Variants in PSMA8 observed in about 807,000 individuals in gnomAD.
PSMA8 encodes the protein proteasome 20S subunit alpha 8.
Under a neutral mutation model 32.4 loss-of-function variants are expected in PSMA8, and 18 were observed. The observed-to-expected ratio is 0.56, with a 90% CI of 0.38 to 0.82. PSMA8 has a LOEUF of 0.82. PSMA8 is among the 40% of genes least tolerant of loss of function. The pLI is 0.00. For synonymous variants in PSMA8, 104 were observed against 98.1 expected (o/e 1.06, Z -0.36); for missense variants, 298 against 300.7 (o/e 0.99, Z 0.07).
At chr18:26,160,699 A>G (rs978078416) in intron 4 of PSMA8, among the ~76,000 whole-genome samples, 2 of 152,210 alleles carry the variant, frequency 1.3e-5, no homozygotes, top group African/African-American at 4.8e-5. Context: ...TAGGCTTATG[A>G]GGTATAGGTA....
rs577883962 is a variant in PSMA8 at position 26,189,119 on chromosome 18, T to A, written c.661-3200T>A. Among the ~76,000 whole-genome samples the A allele has an allele frequency of 1.5e-3, 228 of 152,192 alleles. 1 individual carries two copies. The highest frequency in any genetic ancestry group is 5.4e-3 in the African/African-American group (225 of 41,518). Reference sequence around the variant, plus strand: ...ACAAGGGTTTAATAACCAGAATGTATAAGGAGCTCAGACAACTCTATAAGA... The same window carrying A: ...ACAAGGGTTTAATAACCAGAATGTAAAAGGAGCTCAGACAACTCTATAAGA... On this transcript the variant is annotated intron_variant, in intron 6 of 6. Coordinates refer to ENST00000415576, the MANE Select transcript of PSMA8 (RefSeq NM_001025096.2).
At chr18:26,179,294 G>T (rs1203868274) in intron 6 of PSMA8, among the ~76,000 whole-genome samples, 164 bp downstream of exon 6, 2 of 133,302 alleles carry the variant, frequency 1.5e-5, no homozygotes, top group Admixed American at 7.5e-5. Context: ...TTTGTTTTTT[G>T]TGTTTTTTTT....
chr18:26,139,979 T>G, intron 1 of PSMA8: 1 of 694,820 alleles, frequency 1.4e-6, no homozygotes, highest in Non-Finnish European at 2.6e-6. Context: ...TTTAAAAGAT[T>G]GTTACTTTTT....
At chr18:26,187,584 A>G (rs2055366520) in intron 6 of PSMA8, among the ~76,000 whole-genome samples, 1 of 152,190 alleles carries the variant, frequency 6.6e-6, no homozygotes, top group East Asian at 1.9e-4. Context: ...AAAGAGATGG[A>G]AAAAGATATT....
intron 6 of PSMA8, among the ~76,000 whole-genome samples, chr18:26,186,939 A>T (rs1375702051): frequency 6.6e-6 from 1 of 152,258 alleles, no homozygotes; most frequent in Non-Finnish European, 1.5e-5. Context: ...GGAGAAGGAT[A>T]CTTGTCTCCC....
At chr18:26,156,343 G>C (rs2055088805) in intron 3 of PSMA8, among the ~76,000 whole-genome samples, 1 of 152,056 alleles carries the variant, frequency 6.6e-6, no homozygotes, top group South Asian at 2.1e-4. Flanking sequence ...GTATATCCAA[G>C]AGATGTATGC....
In PSMA8 at chr18:26,154,985, C is replaced by T. The variant is rs546069562; in HGVS notation, c.354+3003C>T. Among the ~76,000 whole-genome samples the T allele has an allele frequency of 5.1e-4, 77 of 152,026 alleles. 1 individual carries two copies. The highest frequency in any genetic ancestry group is 1.7e-3 in the African/African-American group (70 of 41,496). ...GCTTATGCCTGTAATCCCAGCACTT[C>T]GGGAGGCCAAGGTGGGCAGATCACT... On this transcript the variant is annotated intron_variant, in intron 3 of 6. Coordinates refer to ENST00000415576, the MANE Select transcript of PSMA8 (RefSeq NM_001025096.2).
At chr18:26,175,072 T>C (rs1237689176) in intron 4 of PSMA8, among the ~76,000 whole-genome samples, 1 of 152,240 alleles carries the variant, frequency 6.6e-6, no homozygotes, top group East Asian at 1.9e-4. Context: ...TGACCAGTTT[T>C]GCCTTCTGTT....
At chr18:26,173,356 T>C (rs992440497) in intron 4 of PSMA8, among the ~76,000 whole-genome samples, 9 of 152,214 alleles carry the variant, frequency 5.9e-5, no homozygotes, top group Non-Finnish European at 1.2e-4. Flanking sequence ...GCTACCATCC[T>C]CACCCTCTGA....
At chr18:26,180,602 G>A (rs1434235666) in intron 6 of PSMA8, among the ~76,000 whole-genome samples, 2 of 152,040 alleles carry the variant, frequency 1.3e-5, no homozygotes, top group Admixed American at 6.6e-5. Context: ...TAAGAGCCCA[G>A]GGACAGATGC....
chr18:26,133,888 C>A lies in PSMA8; in HGVS notation c.-78C>A. On this transcript the variant is annotated 5_prime_UTR_variant, in exon 1 of 7. It adds an upstream start codon to the 5' untranslated region. Transcript: ENST00000415576. ...GGAAGCGCTTCCGGGCGGTAGCACG[C>A]TGTGTTGGCGGCGGCTCCCCGCTTG... The A allele has an allele frequency of 7.9e-7, 1 of 1,262,970 alleles. No individual in the cohort carries two copies. Among genetic ancestry groups the A allele is most frequent in the South Asian group, 1.2e-5 (1 of 80,936 alleles). The allele number at this position is 1,262,970 out of a possible 1,614,324, so 78.2% of individuals were successfully genotyped here. A position where few individuals can be genotyped will look rare whatever the true frequency, so the allele number is the denominator to read the frequency against.
At chr18:26,174,081 G>A (rs974520770) in intron 4 of PSMA8, among the ~76,000 whole-genome samples, 1 of 152,088 alleles carries the variant, frequency 6.6e-6, no homozygotes, top group African/African-American at 2.4e-5. Context: ...TTTAGTAAGG[G>A]AAGTTTGTGT....
In PSMA8 at chr18:26,185,001, T is replaced by A. The variant is rs1016765108; in HGVS notation, c.660+5871T>A. ...TATTCAGGGGGCTGAGGCAGGAGAA[T>A]CGCTTGAACCGGGAGACAGAGGTTA... On this transcript the variant is annotated intron_variant, in intron 6 of 6. Coordinates refer to ENST00000415576, the MANE Select transcript of PSMA8 (RefSeq NM_001025096.2). Among the ~76,000 whole-genome samples, 8 of 144,314 alleles carry A rather than the reference T, an allele frequency of 5.5e-5. 1 individual carries two copies. Among genetic ancestry groups the A allele is most frequent in the Admixed American group, 2.9e-4 (4 of 14,018 alleles). The allele number at this position is 144,314 out of a possible 152,430, so 94.7% of individuals were successfully genotyped here. A position where few individuals can be genotyped will look rare whatever the true frequency, so the allele number is the denominator to read the frequency against.
chr18:26,141,664 G>T (rs1394738463), intron 1 of PSMA8, among the ~76,000 whole-genome samples: 1 of 149,692 alleles, frequency 6.7e-6, no homozygotes, highest in Non-Finnish European at 1.5e-5. Flanking sequence ...AGAACAATAA[G>T]AACAAAAGCG....
At chr18:26,157,567 A>G (rs1302009644) in intron 3 of PSMA8, among the ~76,000 whole-genome samples, 1 of 152,172 alleles carries the variant, frequency 6.6e-6, no homozygotes, top group East Asian at 1.9e-4. Flanking sequence ...GTCTGTGAGG[A>G]AACAGCATGC....
intron 3 of PSMA8, among the ~76,000 whole-genome samples, chr18:26,156,645 G>A (rs2055091335): frequency 6.8e-6 from 1 of 147,902 alleles, no homozygotes; most frequent in Non-Finnish European, 1.5e-5. Context: ...TACTGTGTGT[G>A]TATATATATT....
intron 2 of PSMA8, among the ~76,000 whole-genome samples, chr18:26,145,886 G>T (rs2054998928): frequency 6.6e-6 from 1 of 152,132 alleles, no homozygotes. Context: ...TAAGAGTATA[G>T]TTGCTGGATT....
chr18:26,164,945 T>A (rs973597006), intron 4 of PSMA8, among the ~76,000 whole-genome samples: 1 of 152,086 alleles, frequency 6.6e-6, no homozygotes, highest in Admixed American at 6.6e-5. Context: ...TGAGACGGAA[T>A]CTCTCTCTGT....
chr18:26,139,349 A>G (rs1380237307), intron 1 of PSMA8, among the ~76,000 whole-genome samples: 1 of 152,142 alleles, frequency 6.6e-6, no homozygotes, highest in Non-Finnish European at 1.5e-5. Flanking sequence ...CTTGCCAACA[A>G]CAATGCGAGT....
Sources: allele counts gnomAD v4.1 joint callset (sites outside exome capture counted in the v4.1 genomes callset), GRCh38; gene constraint gnomAD v4.1.1; transcripts MANE v1.5; gene names NCBI Gene and HGNC (gene_info 2026-07-23, HGNC 2026-07-21).